ADCY5: variants seen among roughly 807,000 people sequenced by gnomAD.
ADCY5 encodes the protein adenylate cyclase type 5.
ADCY5 carries 30 observed loss-of-function variants against 119.7 expected under a neutral mutation model. That is an observed-to-expected ratio of 0.25 (90% CI 0.19 to 0.34). ADCY5 has a LOEUF of 0.34. Ranked by LOEUF, ADCY5 falls within the 10% of genes least tolerant of loss-of-function variation. ADCY5 has a pLI of 1.00. For synonymous variants in ADCY5, 753 were observed against 762.2 expected, an observed-to-expected ratio of 0.99 and a Z score of 0.20; for missense variants, 1,324 against 1,775.2, an observed-to-expected ratio of 0.75 and a Z score of 4.57.
intron 1 of ADCY5, among the ~76,000 whole-genome samples, chr3:123,402,979 C>G (rs1944812362): frequency 6.6e-6 from 1 of 151,998 alleles, no homozygotes; most frequent in African/African-American, 2.4e-5. Context: ...AAAAGGAAAG[C>G]AGTAAAGCAT....
At chr3:123,340,465 A>G (rs191838201) in intron 3 of ADCY5, among the ~76,000 whole-genome samples, 11 of 152,330 alleles carry the variant, frequency 7.2e-5, no homozygotes, top group Non-Finnish European at 1.3e-4. Context: ...TCGTAATCAT[A>G]CATAACAGCT....
intron 1 of ADCY5, among the ~76,000 whole-genome samples, chr3:123,394,008 A>G (rs72966537): frequency 0.055 from 8,440 of 152,116 alleles, 777 homozygotes; most frequent in African/African-American, 0.19. Context: ...AGGCGTGGTG[A>G]TGGGCACCTG....
chr3:123,287,140 G>T, intron 19 of ADCY5: 1 of 217,984 alleles, frequency 4.6e-6, no homozygotes, highest in Non-Finnish European at 9.1e-6. Flanking sequence ...CTATCAGACT[G>T]GCTGTGTCTC....
At chr3:123,297,224 G>T in intron 16 of ADCY5, 129 bp downstream of exon 16, 1 of 1,417,356 alleles carries the variant, frequency 7.1e-7, no homozygotes, top group Non-Finnish European at 9.9e-7. Context: ...CAGCCTCCCT[G>T]TCCTGTTGGC....
chr3:123,296,978 G>A (rs942996726), intron 16 of ADCY5: 30 of 1,535,614 alleles, frequency 2.0e-5, no homozygotes, highest in South Asian at 2.4e-5. Flanking sequence ...TGCAGCCCTC[G>A]CCTTTGTTCC....
At chr3:123,434,896 G>A (rs1308716817) in intron 1 of ADCY5, among the ~76,000 whole-genome samples, 2 of 152,128 alleles carry the variant, frequency 1.3e-5, no homozygotes, top group East Asian at 1.9e-4. Context: ...AAGGACCCGG[G>A]CCTAGGTCTC....
intron 1 of ADCY5, among the ~76,000 whole-genome samples, chr3:123,410,351 C>A (rs1945013686): frequency 6.6e-6 from 1 of 151,258 alleles, no homozygotes; most frequent in African/African-American, 2.4e-5. Flanking sequence ...TCCCCCAATT[C>A]CTCCTCCTCC....
At chr3:123,421,704 T>C (rs1367076750) in intron 1 of ADCY5, among the ~76,000 whole-genome samples, 1 of 152,202 alleles carries the variant, frequency 6.6e-6, no homozygotes, top group Non-Finnish European at 1.5e-5. Context: ...ACTGCCTTCC[T>C]TTTTGAGAGC....
At chr3:123,442,546 C>T (rs1435634845) in intron 1 of ADCY5, among the ~76,000 whole-genome samples, 6 of 152,368 alleles carry the variant, frequency 3.9e-5, no homozygotes, top group Non-Finnish European at 8.8e-5. Flanking sequence ...GGGTTTAACG[C>T]ATCATCCATG....
At chr3:123,406,343 G>A (rs1011620253) in intron 1 of ADCY5, among the ~76,000 whole-genome samples, 9 of 152,182 alleles carry the variant, frequency 5.9e-5, no homozygotes, top group African/African-American at 1.2e-4. Context: ...GCATTTCCCC[G>A]TGTGGCCCCC....
intron 14 of ADCY5, among the ~76,000 whole-genome samples, chr3:123,301,179 T>G (rs1048337474): frequency 6.6e-6 from 1 of 151,978 alleles, no homozygotes; most frequent in Non-Finnish European, 1.5e-5. Context: ...TTATTATGAT[T>G]ATTATTATTA....
At chr3:123,429,101 ACT>A (rs1553749300) in intron 1 of ADCY5, among the ~76,000 whole-genome samples, 1 of 152,140 alleles carries the variant, frequency 6.6e-6, no homozygotes, top group Non-Finnish European at 1.5e-5. Flanking sequence ...CATGCCTGAC[ACT>A]CTGCGTGTCA....
chr3:123,389,777 T>C (rs958239667), intron 1 of ADCY5, among the ~76,000 whole-genome samples: 1 of 152,200 alleles, frequency 6.6e-6, no homozygotes, highest in Non-Finnish European at 1.5e-5. Context: ...TGGCTCTGAA[T>C]AGGACAAACT....
At chr3:123,386,879 C>T (rs776734469) in intron 1 of ADCY5, among the ~76,000 whole-genome samples, 8 of 152,264 alleles carry the variant, frequency 5.3e-5, no homozygotes, top group Middle Eastern at 3.4e-3. Flanking sequence ...AGCCCGTCAG[C>T]GTGGAAGGGA....
chr3:123,422,101 G>C (rs1222997100), intron 1 of ADCY5, among the ~76,000 whole-genome samples: 3 of 152,202 alleles, frequency 2.0e-5, no homozygotes, highest in African/African-American at 7.2e-5. Flanking sequence ...GCAAAAAACT[G>C]TGCAGGCACT....
At chr3:123,445,334 T>C (rs1249872999) in intron 1 of ADCY5, among the ~76,000 whole-genome samples, 1 of 136,204 alleles carries the variant, frequency 7.3e-6, no homozygotes, top group Non-Finnish European at 1.6e-5. Context: ...TAAGGTGGAA[T>C]TGGGGCCCCC....
chr3:123,393,565 T>TAAA (rs1944456376), intron 1 of ADCY5, among the ~76,000 whole-genome samples: 1 of 79,444 alleles, frequency 1.3e-5, no homozygotes, highest in Non-Finnish European at 2.1e-5. Flanking sequence ...TCTAAAAAAT[T>TAAA]AAAATAAAAT....
intron 1 of ADCY5, among the ~76,000 whole-genome samples, chr3:123,435,222 G>A (rs764322226): frequency 6.6e-6 from 1 of 152,130 alleles, no homozygotes; most frequent in Non-Finnish European, 1.5e-5. Context: ...GGAGGTCAAG[G>A]CTGCAATGAG....
intron 3 of ADCY5, among the ~76,000 whole-genome samples, chr3:123,337,968 C>G (rs887256955): frequency 2.0e-5 from 3 of 152,170 alleles, no homozygotes; most frequent in Non-Finnish European, 4.4e-5. Flanking sequence ...GACAGGAGCC[C>G]ATGAAGTCCA....
Sources: allele counts gnomAD v4.1 joint callset (sites outside exome capture counted in the v4.1 genomes callset), GRCh38; gene constraint gnomAD v4.1.1; transcripts MANE v1.5; gene names NCBI Gene and HGNC (gene_info 2026-07-23, HGNC 2026-07-21).